Variants in PTPRG observed in about 807,000 individuals in gnomAD.
PTPRG encodes receptor-type tyrosine-protein phosphatase gamma.
A neutral mutation model predicts 165.3 loss-of-function variants in PTPRG; 102 were observed. The observed-to-expected ratio is 0.62, with a 90% CI of 0.53 to 0.73. PTPRG has a LOEUF of 0.73. Ranked by LOEUF, PTPRG falls within the 30% of genes least tolerant of loss-of-function variation. PTPRG has a pLI of 0.00. For synonymous variants in PTPRG, 675 were observed against 669.5 expected, an observed-to-expected ratio of 1.01 and a Z score of -0.13; for missense variants, 1,866 against 1,861.4, an observed-to-expected ratio of 1.00 and a Z score of -0.05.
intron 28 of PTPRG, 29 bp downstream of exon 28, chr3:62,282,898 G>C: frequency 1.3e-6 from 2 of 1,570,242 alleles, no homozygotes; most frequent in Non-Finnish European, 1.7e-6. Context: ...ATTTTAAAAT[G>C]TAGACCGTTT....
At position 61,905,545 on chromosome 3, in the gene PTPRG, T is replaced by C. The variant is rs76873843; in HGVS notation, c.191-84080T>C. 3.4e-3 allele frequency among the ~76,000 whole-genome samples: 519 copies of C among 152,370 alleles called. 1 individual carries two copies. Among genetic ancestry groups the C allele is most frequent in the African/African-American group, 0.012 (490 of 41,598 alleles). ...TTTTAACAGTTAGCATACTTGCTTGTTCATCCATTTCTTTGTTAGACACGT... is the reference window on the plus strand; with the variant it reads ...TTTTAACAGTTAGCATACTTGCTTGCTCATCCATTTCTTTGTTAGACACGT... On this transcript the variant is annotated intron_variant, in intron 2 of 29. Coordinates refer to ENST00000474889, the MANE Select transcript of PTPRG (RefSeq NM_002841.4).
At chr3:61,858,152 A>G (rs894770168) in intron 2 of PTPRG, among the ~76,000 whole-genome samples, 2 of 152,232 alleles carry the variant, frequency 1.3e-5, no homozygotes, top group African/African-American at 4.8e-5. Context: ...GCATGAAGGA[A>G]AACAAATGTT....
chr3:61,989,906 T>C, intron 3 of PTPRG, 102 bp downstream of exon 3: 1 of 1,273,358 alleles, frequency 7.9e-7, no homozygotes, highest in African/African-American at 1.5e-5. Flanking sequence ...ATAGTGCACA[T>C]TGCTGTGGGG....
intron 12 of PTPRG, among the ~76,000 whole-genome samples, chr3:62,206,463 A>G (rs1447141866): frequency 6.6e-6 from 1 of 152,156 alleles, no homozygotes; most frequent in Non-Finnish European, 1.5e-5. Flanking sequence ...ATCATGCTTA[A>G]TGCCGAAGGT....
intron 1 of PTPRG, among the ~76,000 whole-genome samples, chr3:61,571,467 G>A (rs1461110553): frequency 6.6e-6 from 1 of 152,176 alleles, no homozygotes; most frequent in Non-Finnish European, 1.5e-5. Context: ...TGAACACTGG[G>A]TGGAATAAAG....
At chr3:62,135,690 G>A (rs1703683360) in intron 6 of PTPRG, among the ~76,000 whole-genome samples, 1 of 152,192 alleles carries the variant, frequency 6.6e-6, no homozygotes, top group African/African-American at 2.4e-5. Context: ...ATTTTTGGCA[G>A]GGAGGGTCTG....
At chr3:62,093,051 C>T (rs912114478) in intron 5 of PTPRG, among the ~76,000 whole-genome samples, 4 of 152,142 alleles carry the variant, frequency 2.6e-5, no homozygotes, top group African/African-American at 4.8e-5. Flanking sequence ...TAAATAATAC[C>T]GATGCTCAGG....
At chr3:61,874,808 C>T in intron 2 of PTPRG, among the ~76,000 whole-genome samples, 1 of 152,156 alleles carries the variant, frequency 6.6e-6, no homozygotes, top group Admixed American at 6.5e-5. Flanking sequence ...GACGCCCTGC[C>T]CTAATTTAAT....
intron 9 of PTPRG, among the ~76,000 whole-genome samples, chr3:62,192,194 C>A (rs545502880): frequency 6.6e-6 from 1 of 152,054 alleles, no homozygotes; most frequent in Non-Finnish European, 1.5e-5. Context: ...CAAACCCCTA[C>A]AGCTGTGTAA....
chr3:61,745,412 G>A (rs1406023686), intron 1 of PTPRG, among the ~76,000 whole-genome samples: 2 of 152,164 alleles, frequency 1.3e-5, no homozygotes, highest in East Asian at 3.9e-4. Flanking sequence ...TAGGTTGACA[G>A]TAGTAGTTCA....
intron 1 of PTPRG, among the ~76,000 whole-genome samples, chr3:61,579,987 ACAT>A (rs780150987): frequency 5.9e-5 from 9 of 152,270 alleles, no homozygotes; most frequent in Non-Finnish European, 1.3e-4. Context: ...AAAAAATCAC[ACAT>A]CAACCATGTA....
At chr3:61,974,665 A>G (rs1251673572) in intron 2 of PTPRG, among the ~76,000 whole-genome samples, 1 of 152,072 alleles carries the variant, frequency 6.6e-6, no homozygotes, top group Non-Finnish European at 1.5e-5. Context: ...CCTTTTATCC[A>G]CCTACTTAGC....
rs1462507935 is a variant in PTPRG, at chr3:62,277,597, C to A, written c.3683C>A (p.Pro1228Gln). The change falls in exon 26 of 30, where the codon CCA becomes CAA. Residue 1228 changes from proline (P) to glutamine (Q), a missense_variant. This residue lies in a region of PTPRG where 1,452 missense variants were observed against 1,463.0 expected (regional missense o/e 0.99). Transcript: ENST00000474889. ...NEFIITQHPL[P>Q]HTTKDFWRMI... ...TTTATTATAACTCAGCATCCTCTGCCACATACTACGAAAGATTTCTGGCGA... is the reference window on the plus strand; with the variant it reads ...TTTATTATAACTCAGCATCCTCTGCAACATACTACGAAAGATTTCTGGCGA... The A allele has an allele frequency of 6.2e-7, 1 of 1,612,520 alleles. No individual in the cohort carries two copies. The highest frequency in any genetic ancestry group is 1.3e-5 in the African/African-American group (1 of 74,942).
intron 2 of PTPRG, among the ~76,000 whole-genome samples, chr3:61,808,620 G>A (rs140124256): frequency 6.6e-6 from 1 of 152,070 alleles, no homozygotes; most frequent in Non-Finnish European, 1.5e-5. Flanking sequence ...CATCCCTTTC[G>A]CAAAATCGCA....
rs1701455407 is a variant in PTPRG at position 62,252,963 on chromosome 3, C to A, written c.2468-2161C>A. Among the ~76,000 whole-genome samples, 1 of 152,148 alleles carries A rather than the reference C, an allele frequency of 6.6e-6. No homozygotes were observed. Among genetic ancestry groups the A allele is most frequent in the Non-Finnish European group, 1.5e-5 (1 of 68,036 alleles). Reference sequence around the variant, plus strand: ...ATGCAAATTGGAGAGACTAGTGAGTCATATATTTCCATGATTATCACACTG... The same window carrying A: ...ATGCAAATTGGAGAGACTAGTGAGTAATATATTTCCATGATTATCACACTG... On this transcript the variant is annotated intron_variant, in intron 15 of 29. Coordinates refer to ENST00000474889, the MANE Select transcript of PTPRG (RefSeq NM_002841.4). This position sits in a 1 kb window ranked among gnomAD's most constrained non-coding sequence, Gnocchi z 4.6.
At chr3:62,057,454 C>T (rs1459650578) in intron 4 of PTPRG, among the ~76,000 whole-genome samples, 4 of 152,202 alleles carry the variant, frequency 2.6e-5, no homozygotes, top group South Asian at 2.1e-4. Context: ...TCCTGAGACA[C>T]GTCAAGGTAT....
In PTPRG at chr3:62,191,003, G is replaced by T. The variant is rs114677859; in HGVS notation, c.1034-466G>T. Among the ~76,000 whole-genome samples the T allele has an allele frequency of 4.4e-3, 666 of 152,340 alleles. 4 individuals carry two copies. Among genetic ancestry groups the T allele is most frequent in the African/African-American group, 0.015 (643 of 41,588 alleles). ...GAGATGCAGGACAGAGTATCTAGAG[G>T]AGAAGCGTCAGAATGCTGCAGTGTT... On this transcript the variant is annotated intron_variant, in intron 8 of 29. Coordinates refer to ENST00000474889, the MANE Select transcript of PTPRG (RefSeq NM_002841.4).
intron 5 of PTPRG, among the ~76,000 whole-genome samples, chr3:62,080,512 C>T (rs755575314): frequency 1.3e-5 from 2 of 152,184 alleles, no homozygotes; most frequent in Non-Finnish European, 2.9e-5. Flanking sequence ...GCTTTTCATG[C>T]AGCTGGACCT....
At chr3:61,887,170 A>ATATATATTTTTTT (rs60282456) in intron 2 of PTPRG, among the ~76,000 whole-genome samples, 1 of 115,522 alleles carries the variant, frequency 8.7e-6, no homozygotes, top group African/African-American at 3.3e-5. Context: ...ATATATATAT[A>ATATATATTTTTTT]TTTTTAATGC....
Sources: gnomAD v4.1 joint callset for allele counts (sites outside exome capture counted in the v4.1 genomes callset) on GRCh38, gnomAD v4.1.1 for gene constraint, gnomAD v4.1.1 regional missense constraint, Gnocchi (gnomAD v3.1) non-coding constraint, MANE v1.5 for transcripts, NCBI Gene and HGNC (gene_info 2026-07-23, HGNC 2026-07-21) for gene names.